SCHIP1: variants seen among roughly 807,000 people sequenced by gnomAD.
SCHIP1 encodes the protein schwannomin-interacting protein 1.
SCHIP1 carries 8 observed loss-of-function variants against 29.7 expected under a neutral mutation model. That is an observed-to-expected ratio of 0.27 (90% CI 0.16 to 0.49). The LOEUF is 0.49. SCHIP1 is among the 20% of genes least tolerant of loss of function. The probability of loss-of-function intolerance (pLI) is 0.99; values close to 1 mark genes in which losing one functional copy is unlikely to be tolerated. For missense variants in SCHIP1, 193 were observed against 294.6 expected, an observed-to-expected ratio of 0.66 and a Z score of 2.52; for synonymous variants, 76 against 94.9, an observed-to-expected ratio of 0.80 and a Z score of 1.16.
chr3:159,407,870 G>T, the SCHIP1 span, among the ~76,000 whole-genome samples: 3 of 152,090 alleles, frequency 2.0e-5, no homozygotes, highest in Non-Finnish European at 4.4e-5. Flanking sequence ...AAGACCTATG[G>T]AATACAGTGA....
chr3:159,304,987 C>T, the SCHIP1 span, among the ~76,000 whole-genome samples: 1 of 152,156 alleles, frequency 6.6e-6, no homozygotes, highest in African/African-American at 2.4e-5. Flanking sequence ...TGATGGAGCT[C>T]ATAGAGATCT....
the SCHIP1 span, among the ~76,000 whole-genome samples, chr3:159,756,864 TA>T: frequency 6.6e-6 from 1 of 152,228 alleles, no homozygotes; most frequent in Non-Finnish European, 1.5e-5. Context: ...GTCTTTTTGC[TA>T]AAACAACAAG....
chr3:159,759,057 T>G, the SCHIP1 span, among the ~76,000 whole-genome samples: 3 of 152,246 alleles, frequency 2.0e-5, no homozygotes, highest in African/African-American at 7.2e-5. Context: ...ATTTTGCCTA[T>G]ATTTTGCCAT....
At chr3:159,298,390 T>A in the SCHIP1 span, among the ~76,000 whole-genome samples, 1 of 152,186 alleles carries the variant, frequency 6.6e-6, no homozygotes, top group Non-Finnish European at 1.5e-5. Context: ...TTGTGAAATT[T>A]CTTGCAGCAA....
chr3:159,751,096 A>T, the SCHIP1 span, among the ~76,000 whole-genome samples: 1 of 152,196 alleles, frequency 6.6e-6, no homozygotes, highest in African/African-American at 2.4e-5. Context: ...ATGATCGAAG[A>T]TTCACCTACA....
chr3:159,515,488 T>G, the SCHIP1 span, among the ~76,000 whole-genome samples: 4 of 152,244 alleles, frequency 2.6e-5, no homozygotes, highest in African/African-American at 9.6e-5. Context: ...CCAAATTATT[T>G]AATTTCTTGA....
chr3:159,406,724 A>T, the SCHIP1 span, among the ~76,000 whole-genome samples: 1 of 152,202 alleles, frequency 6.6e-6, no homozygotes, highest in Non-Finnish European at 1.5e-5. Context: ...AAATAGAAAA[A>T]ACAAAAAGTT....
chr3:159,483,400 C>T, the SCHIP1 span, among the ~76,000 whole-genome samples: 1 of 152,124 alleles, frequency 6.6e-6, no homozygotes, highest in Admixed American at 6.5e-5. Flanking sequence ...TAAACATTGG[C>T]ATGTGACATT....
the SCHIP1 span, among the ~76,000 whole-genome samples, chr3:159,459,339 A>T: frequency 6.6e-6 from 1 of 152,150 alleles, no homozygotes; most frequent in East Asian, 1.9e-4. Context: ...CAAAAAATTT[A>T]ATAAAATGAA....
At chr3:159,393,011 G>C in the SCHIP1 span, among the ~76,000 whole-genome samples, 1 of 152,178 alleles carries the variant, frequency 6.6e-6, no homozygotes, top group African/African-American at 2.4e-5. Context: ...CATTCTAACT[G>C]GTGTGAGATG....
chr3:159,840,289 G>A, intron 1 of SCHIP1: 2 of 1,301,304 alleles, frequency 1.5e-6, no homozygotes, highest in African/African-American at 1.5e-5. Context: ...GCAGCAGGTT[G>A]CCTCTTTCCG....
chr3:159,763,327 C>A, the SCHIP1 span, among the ~76,000 whole-genome samples: 1 of 151,888 alleles, frequency 6.6e-6, no homozygotes, highest in Non-Finnish European at 1.5e-5. Flanking sequence ...CAGGGTCACT[C>A]GGGCACTTCC....
At chr3:159,332,513 T>C in the SCHIP1 span, among the ~76,000 whole-genome samples, 4 of 152,222 alleles carry the variant, frequency 2.6e-5, no homozygotes, top group Non-Finnish European at 4.4e-5. Flanking sequence ...TTAATCTTTT[T>C]ATTTTTCTAG....
chr3:159,716,246 G>A, the SCHIP1 span, among the ~76,000 whole-genome samples: 1 of 152,264 alleles, frequency 6.6e-6, no homozygotes, highest in African/African-American at 2.4e-5. Flanking sequence ...AGCTCCTGAA[G>A]GAAGCACTAA....
the SCHIP1 span, among the ~76,000 whole-genome samples, chr3:159,552,633 G>T: frequency 6.6e-6 from 1 of 152,164 alleles, no homozygotes; most frequent in Non-Finnish European, 1.5e-5. Flanking sequence ...CTAGGACACA[G>T]GATTTTGTGA....
At chr3:159,439,007 G>C in the SCHIP1 span, among the ~76,000 whole-genome samples, 1 of 152,158 alleles carries the variant, frequency 6.6e-6, no homozygotes, top group Non-Finnish European at 1.5e-5. Context: ...TATATACCCA[G>C]TAAGGAGATT....
the SCHIP1 span, among the ~76,000 whole-genome samples, chr3:159,734,791 T>A: frequency 7.2e-6 from 1 of 139,230 alleles, no homozygotes; most frequent in Non-Finnish European, 1.6e-5. Context: ...TCTTGTCTTT[T>A]TTTTTTTTTT....
At chr3:159,658,846 T>A in the SCHIP1 span, among the ~76,000 whole-genome samples, 1 of 152,242 alleles carries the variant, frequency 6.6e-6, no homozygotes, top group South Asian at 2.1e-4. Flanking sequence ...TCTTCCAGTC[T>A]CCTACATCTC....
At chr3:159,628,908 C>G in the SCHIP1 span, among the ~76,000 whole-genome samples, 1 of 151,868 alleles carries the variant, frequency 6.6e-6, no homozygotes, top group Non-Finnish European at 1.5e-5. Flanking sequence ...TAAAAACATA[C>G]AGTTGGTGGA....
Sources: gnomAD v4.1 joint callset for allele counts (sites outside exome capture counted in the v4.1 genomes callset) on GRCh38, gnomAD v4.1.1 for gene constraint, MANE v1.5 for transcripts, NCBI Gene and HGNC (gene_info 2026-07-23, HGNC 2026-07-21) for gene names.